UMOD: variants seen among roughly 807,000 people sequenced by gnomAD.
The protein encoded by UMOD is uromodulin, also known as Tamm-Horsfall urinary glycoprotein.
In UMOD, 64 loss-of-function variants were observed where a neutral mutation model predicts 66.0. The observed-to-expected ratio is 0.97, with a 90% CI of 0.79 to 1.19. The LOEUF (loss-of-function observed/expected upper bound fraction) is 1.19. Among genes scored for constraint, UMOD ranks in the 50% most tolerant of loss-of-function variants. UMOD has a pLI of 0.00. For missense variants in UMOD, 764 were observed against 850.9 expected (o/e 0.90, Z 1.27); for synonymous variants, 398 against 352.7 (o/e 1.13, Z -1.44).
chr16:20,341,009 A>T, intron 7 of UMOD, 82 bp downstream of exon 7: 15 of 1,347,720 alleles, frequency 1.1e-5, no homozygotes, highest in Admixed American at 6.5e-5. Flanking sequence ...AAAAAAAAAA[A>T]GATGCAATTT....
rs11643133 is a variant in UMOD, at chr16:20,347,056, C to T, written c.974-722G>A. On this transcript the variant is annotated intron_variant, in intron 4 of 10. Coordinates refer to ENST00000396138, the MANE Select transcript of UMOD (RefSeq NM_003361.4). ...TTTGAGACGGAGTTTCTCTCTTCGGCGACAAGCCCAGGCTGGAATGCAGAG... is the reference window on the plus strand; with the variant it reads ...TTTGAGACGGAGTTTCTCTCTTCGGTGACAAGCCCAGGCTGGAATGCAGAG... 9.9e-3 allele frequency among the ~76,000 whole-genome samples: 1,507 copies of T among 152,090 alleles called. 29 individuals are homozygous for T. Among genetic ancestry groups the T allele is most frequent in the African/African-American group, 0.034 (1,421 of 41,490 alleles).
rs1246259585 is a variant in UMOD at position 20,341,342 on chromosome 16, AG to A, written c.1332-7del. 6.2e-7 allele frequency: 1 copy of A among 1,612,800 alleles called. No homozygotes were observed. Among genetic ancestry groups the A allele is most frequent in the South Asian group, 1.1e-5 (1 of 91,074 alleles). On this transcript the variant is annotated splice_region_variant and splice_polypyrimidine_tract_variant and intron_variant, in intron 6 of 10. Coordinates refer to ENST00000396138, the MANE Select transcript of UMOD (RefSeq NM_003361.4). ...CCACTCTGATGTTTAGAGCACTGCC[AG>A]GGGAGAAGGGTTGGTGAGAGGACCG...
chr16:20,335,514 T>C lies in UMOD; in HGVS notation c.1829A>G (p.Gln610Arg). 6.2e-7 allele frequency: 1 copy of C among 1,614,146 alleles called. No individual in the cohort carries two copies. Among genetic ancestry groups the C allele is most frequent in the Non-Finnish European group, 8.5e-7 (1 of 1,179,984 alleles). The stretch of plus-strand genomic sequence containing the variant: ...GCTAAAAGCCCTTGAGACTGTGGCC[T>C]GGACACCTTTGGAGGAAAACAGAAG... ...NLGPITRKGV[Q>R]ATVSRAFSSL... Residue 610 changes from glutamine to arginine, a missense_variant, in exon 10 of 11, where the codon CAG (glutamine) becomes CGG (arginine). Gln to Arg is a conservative substitution (Grantham distance 43). Transcript: ENST00000396138.
At chr16:20,352,016 C>CA (rs1017381678) in intron 1 of UMOD, among the ~76,000 whole-genome samples, 3 of 141,176 alleles carry the variant, frequency 2.1e-5, no homozygotes, top group African/African-American at 8.6e-5. Context: ...TCCATCCCCC[C>CA]CCCCCAAAAA....
chr16:20,348,378 G>T (rs371060509), intron 3 of UMOD, 48 bp from the exon 4 acceptor site: 2 of 1,613,974 alleles, frequency 1.2e-6, no homozygotes, highest in African/African-American at 2.7e-5. Context: ...ACGCACCCCC[G>T]TCCTCTGCAG....
intron 3 of UMOD, 52 bp from the exon 4 acceptor site, chr16:20,348,382 T>C (rs1223463068): frequency 6.2e-7 from 1 of 1,614,150 alleles, no homozygotes; most frequent in Non-Finnish European, 8.5e-7. Flanking sequence ...ACCCCCGTCC[T>C]CTGCAGTGCC....
At chr16:20,333,620 C>T (rs1964708374) in intron 10 of UMOD, among the ~76,000 whole-genome samples, 1 of 152,216 alleles carries the variant, frequency 6.6e-6, no homozygotes, top group South Asian at 2.1e-4. Flanking sequence ...TTGTGAAGTG[C>T]CCAATCTATC....
rs1419014247 is a variant in UMOD, at chr16:20,346,323, G to C, written c.985C>G (p.Leu329Val). ...QDFNITDISL[L>V]EHRLECGAND... ...GCCCCACATTCCAGCCTGTGCTCCA[G>C]GAGGGAGATATCTGAAACAGGTTAG... The change falls in exon 5 of 11, where the codon CTG (leucine) becomes GTG (valine). Residue 329 changes from leucine (L) to valine (V), a missense_variant. Transcript: ENST00000396138. 2 of 1,614,150 alleles carry C rather than the reference G, an allele frequency of 1.2e-6. No homozygotes were observed.
At position 20,346,294 on chromosome 16, in the gene UMOD, A is replaced by C; in HGVS notation, c.1014T>G (p.Asn338Lys). ...ACTTGCCCAGCGACACCTTCATGTCATTGGCCCCACATTCCAGCCTGTGCT... is the reference window on the plus strand; with the variant it reads ...ACTTGCCCAGCGACACCTTCATGTCCTTGGCCCCACATTCCAGCCTGTGCT... Reference protein sequence around the residue: ...LLEHRLECGANDMKVSLGKCQ... With the variant: ...LLEHRLECGAKDMKVSLGKCQ... The change falls in exon 5 of 11, where the codon AAT becomes AAG. Residue 338 changes from asparagine to lysine, a missense_variant. Transcript: ENST00000396138. 1 of 1,614,252 alleles carries C rather than the reference A, an allele frequency of 6.2e-7. No individual in the cohort carries two copies. Among genetic ancestry groups the C allele is most frequent in the Non-Finnish European group, 8.5e-7 (1 of 1,180,046 alleles).
At chr16:20,352,565 G>T in intron 1 of UMOD, 124 bp downstream of exon 1, 1 of 610,076 alleles carries the variant, frequency 1.6e-6, no homozygotes, top group South Asian at 8.5e-5. Context: ...GCCAATAATT[G>T]GCAGAATAAT....
chr16:20,349,254 G>A, intron 2 of UMOD, 42 bp from the exon 3 acceptor site: 2 of 1,597,624 alleles, frequency 1.3e-6, no homozygotes, highest in Non-Finnish European at 1.7e-6. Flanking sequence ...GGGCAGCTGG[G>A]CCCATGGCCA....
chr16:20,341,658 A>G (rs1045107873), intron 6 of UMOD, among the ~76,000 whole-genome samples: 1 of 152,156 alleles, frequency 6.6e-6, no homozygotes, highest in Non-Finnish European at 1.5e-5. Context: ...CCAGTCCCTC[A>G]CTTGCTACTG....
chr16:20,336,835 C>T (rs887924448), intron 8 of UMOD, 108 bp from the exon 9 acceptor site: 1 of 1,002,994 alleles, frequency 1.0e-6, no homozygotes, highest in Non-Finnish European at 1.5e-6. Flanking sequence ...TTGCCCCAGG[C>T]AGAAGTTGTT....
chr16:20,339,060 A>G (rs1965040918), intron 7 of UMOD, among the ~76,000 whole-genome samples: 1 of 152,190 alleles, frequency 6.6e-6, no homozygotes, highest in African/African-American at 2.4e-5. Flanking sequence ...CGTGCCCGTT[A>G]TACTCATGAA....
chr16:20,350,667 G>A lies in UMOD; in HGVS notation c.71C>T (p.Thr24Ile). 1 of 1,614,172 alleles carries A rather than the reference G, an allele frequency of 6.2e-7. No homozygotes were observed. The highest frequency in any genetic ancestry group is 1.7e-5 in the Admixed American group (1 of 60,026). ...VASWFITTAATDTSEARWCSE... is the reference protein window; with the variant it reads ...VASWFITTAAIDTSEARWCSE... ...TCACTTACTTGCTTCTGAGGTGTCA[G>A]TGGCTGCAGTTGTGATGAACCAAGA... The change falls in exon 2 of 11, where the codon ACT becomes ATT. Residue 24 changes from threonine to isoleucine, a missense_variant. Thr to Ile is a moderately conservative substitution (Grantham distance 89). Transcript: ENST00000396138.
At position 20,346,315 on chromosome 16, in the gene UMOD, G is replaced by A. The variant is rs746734767; in HGVS notation, c.993C>T (p.His331=). The A allele has an allele frequency of 6.2e-7, 1 of 1,614,262 alleles. No individual in the cohort carries two copies. ...FNITDISLLE[H]RLECGANDMK... Reference sequence around the variant, plus strand: ...TGTCATTGGCCCCACATTCCAGCCTGTGCTCCAGGAGGGAGATATCTGAAA... The same window carrying A: ...TGTCATTGGCCCCACATTCCAGCCTATGCTCCAGGAGGGAGATATCTGAAA... Residue 331 remains histidine, a synonymous_variant, in exon 5 of 11, where the codon CAC becomes CAT. Transcript: ENST00000396138.
At chr16:20,349,685 A>T (rs1040858717) in intron 2 of UMOD, 21 of 1,462,724 alleles carry the variant, frequency 1.4e-5, no homozygotes, top group Admixed American at 5.6e-5. Flanking sequence ...CATTCAGAAA[A>T]GTAATGCGCA....
At chr16:20,341,428 G>A in intron 6 of UMOD, 92 bp from the exon 7 acceptor site, 6 of 1,587,094 alleles carry the variant, frequency 3.8e-6, no homozygotes, top group Non-Finnish European at 4.3e-6. Flanking sequence ...GCAGTCCCTT[G>A]CAGTTATTTG....
At position 20,350,004 on chromosome 16, in the gene UMOD, G is replaced by A. The variant is rs59027126; in HGVS notation, c.88+646C>T. ...ACTTCCCAAGGGCCTCGTGAGGTCAGTTTTTTATGTATCCTTATTTTAAAG... is the reference window on the plus strand; with the variant it reads ...ACTTCCCAAGGGCCTCGTGAGGTCAATTTTTTATGTATCCTTATTTTAAAG... On this transcript the variant is annotated intron_variant, in intron 2 of 10. Transcript: ENST00000396138. The A allele has an allele frequency of 9.7e-3, 8,570 of 887,780 alleles. 332 individuals carry two copies. The highest frequency in any genetic ancestry group is 0.093 in the South Asian group (4,123 of 44,506). 55.0% of individuals were successfully genotyped at this position (887,780 alleles called of 1,614,324 possible).
Sources: allele counts gnomAD v4.1 joint callset (sites outside exome capture counted in the v4.1 genomes callset), GRCh38; gene constraint gnomAD v4.1.1; transcripts MANE v1.5; gene names NCBI Gene and HGNC (gene_info 2026-07-23, HGNC 2026-07-21).